C5orf34: variants seen among roughly 807,000 people sequenced by gnomAD.
C5orf34 encodes the protein chromosome 5 open reading frame 34.
In C5orf34, 73 loss-of-function variants were observed where a neutral mutation model predicts 78.4. That is an observed-to-expected ratio of 0.93 (90% CI 0.77 to 1.13). The LOEUF (loss-of-function observed/expected upper bound fraction) is 1.13. C5orf34 is among the 50% of genes most tolerant of loss of function. The pLI is 0.00. For synonymous variants in C5orf34, 251 were observed against 246.6 expected, an observed-to-expected ratio of 1.02 and a Z score of -0.17; for missense variants, 730 against 732.7, an observed-to-expected ratio of 1.00 and a Z score of 0.04.
chr5:43,500,442 C>T (rs922499732), intron 6 of C5orf34, among the ~76,000 whole-genome samples: 2 of 152,170 alleles, frequency 1.3e-5, no homozygotes, highest in Non-Finnish European at 2.9e-5. Context: ...GTCTCCTAGA[C>T]TGGTGTGCAG....
chr5:43,496,052 T>A, intron 6 of C5orf34: 6 of 1,585,282 alleles, frequency 3.8e-6, no homozygotes, highest in South Asian at 2.2e-5. Flanking sequence ...CAGAAGGGCA[T>A]GCTCTCAGGT....
Position 43,502,469 on chromosome 5 carries a change from A to G in C5orf34, c.1055T>C (p.Ile352Thr), listed in dbSNP as rs1745800295. ...AGATCCATCCCCAGAATAAATCTCTATTGAGTTCATATTTTGATGGGTAAG... is the reference window on the plus strand; with the variant it reads ...AGATCCATCCCCAGAATAAATCTCTGTTGAGTTCATATTTTGATGGGTAAG... ...YRLTHQNMNS[I>T]EIYSGDGSVF... Residue 352 changes from isoleucine (I) to threonine (T), a missense_variant, in exon 6 of 13, where the codon ATA becomes ACA. Ile to Thr is a moderately conservative substitution (Grantham distance 89). Coordinates refer to ENST00000306862, the MANE Select transcript of C5orf34 (RefSeq NM_198566.4). The G allele has an allele frequency of 6.4e-7, 1 of 1,573,890 alleles. No homozygotes were observed. The highest frequency in any genetic ancestry group is 8.7e-7 in the Non-Finnish European group (1 of 1,151,254).
At chr5:43,493,184 G>A (rs1745356664) in intron 8 of C5orf34, among the ~76,000 whole-genome samples, 1 of 151,182 alleles carries the variant, frequency 6.6e-6, no homozygotes, top group South Asian at 2.1e-4. Context: ...AGAAATCAAA[G>A]TCTGAGAATC....
At chr5:43,495,221 C>G in intron 6 of C5orf34, 1 of 1,610,022 alleles carries the variant, frequency 6.2e-7, no homozygotes, top group South Asian at 1.1e-5. Flanking sequence ...GTCTGAGAAG[C>G]TCTCAACAAT....
intron 5 of C5orf34, among the ~76,000 whole-genome samples, chr5:43,502,817 G>A (rs781236760): frequency 1.3e-5 from 2 of 152,176 alleles, no homozygotes; most frequent in Admixed American, 1.3e-4. Context: ...CCAAAGCAAT[G>A]TCTATTGCAT....
chr5:43,497,847 G>A (rs34617389), intron 6 of C5orf34, among the ~76,000 whole-genome samples: 2,116 of 152,246 alleles, frequency 0.014, 58 homozygotes, highest in East Asian at 0.13. Context: ...TGGAATTAGC[G>A]TCATTTCAAA....
At chr5:43,488,205 T>TG in intron 11 of C5orf34, 1 of 476,374 alleles carries the variant, frequency 2.1e-6, no homozygotes, top group Non-Finnish European at 3.7e-6. Context: ...CAAATATTGA[T>TG]GTTTGAGGAT....
At chr5:43,500,868 G>T (rs1388198793) in intron 6 of C5orf34, among the ~76,000 whole-genome samples, 1 of 152,006 alleles carries the variant, frequency 6.6e-6, no homozygotes, top group Non-Finnish European at 1.5e-5. Flanking sequence ...CTTACATTTA[G>T]CTCTTTAATT....
At chr5:43,507,779 C>G (rs71629175) in intron 3 of C5orf34, among the ~76,000 whole-genome samples, 2,111 of 152,182 alleles carry the variant, frequency 0.014, 59 homozygotes, top group East Asian at 0.13. Context: ...ATTTCCTTGC[C>G]TATAAAAAGA....
chr5:43,506,045 A>G lies in C5orf34; in HGVS notation c.635T>C (p.Met212Thr), dbSNP rs560119778. ...CCCTTCAGTTCCATTTACACAACTC[A>G]TCTTCTTTAAAGTTTCTTTGGATTT... ...IMKSKETLKKMSCVNGTEGRE... is the reference protein window; with the variant it reads ...IMKSKETLKKTSCVNGTEGRE... Residue 212 changes from methionine (M) to threonine (T), a missense_variant, in exon 4 of 13, where the codon ATG becomes ACG. By Grantham distance (81) the Met-to-Thr change is moderately conservative. Coordinates refer to ENST00000306862, the MANE Select transcript of C5orf34 (RefSeq NM_198566.4). The G allele has an allele frequency of 4.3e-6, 7 of 1,614,110 alleles. No homozygotes were observed. The South Asian group carries it at 4.4e-5, about 10-fold the overall frequency.
intron 1 of C5orf34, among the ~76,000 whole-genome samples, chr5:43,513,643 G>A (rs9292883): frequency 0.4 from 61,394 of 152,076 alleles, 14,718 homozygotes; most frequent in East Asian, 0.78. Flanking sequence ...TAGATACATT[G>A]GCATTTTAAA....
chr5:43,487,366 T>C (rs765751101), intron 12 of C5orf34, among the ~76,000 whole-genome samples: 2 of 151,994 alleles, frequency 1.3e-5, no homozygotes. Flanking sequence ...AAGGAGGAAA[T>C]GAAAATTTCA....
At chr5:43,498,081 T>C (rs1021961075) in intron 6 of C5orf34, among the ~76,000 whole-genome samples, 1 of 152,220 alleles carries the variant, frequency 6.6e-6, no homozygotes, top group Non-Finnish European at 1.5e-5. Context: ...TGCCTCTTGG[T>C]CTTAATTACA....
Position 43,490,674 on chromosome 5 carries a change from C to A in C5orf34, c.1636G>T (p.Glu546Ter), listed in dbSNP as rs1193447253. 8 of 1,611,774 alleles carry A rather than the reference C, an allele frequency of 5.0e-6. No individual in the cohort carries two copies. In the Admixed American group the frequency reaches 8.3e-5, roughly 17 times the overall value. The change falls in exon 11 of 13, where the codon GAG (glutamate) becomes TAG (stop). Residue 546 changes from glutamate (E) to a stop codon, truncating the protein, a stop_gained. Transcript: ENST00000306862. LOFTEE classifies it high-confidence loss of function. ...CRRLTQTSPR[E>*]MPTHSSSSVL... ...GAAGATGACGAATGAGTGGGCATCT[C>A]TCTGGGACTAGTCTGGGTCAGTCTC...
intron 4 of C5orf34, among the ~76,000 whole-genome samples, chr5:43,504,785 G>T (rs1330926368): frequency 6.6e-6 from 1 of 152,126 alleles, no homozygotes. Context: ...TAAACATCAT[G>T]GTAAGTTATT....
At chr5:43,511,752 CAT>C (rs1746270443) in intron 1 of C5orf34, among the ~76,000 whole-genome samples, 1 of 152,284 alleles carries the variant, frequency 6.6e-6, no homozygotes, top group Non-Finnish European at 1.5e-5. Flanking sequence ...CTCTCTGAAA[CAT>C]GTGCTGTGTC....
chr5:43,493,176 A>T (rs1223030040), intron 8 of C5orf34, among the ~76,000 whole-genome samples: 1 of 152,140 alleles, frequency 6.6e-6, no homozygotes, highest in Non-Finnish European at 1.5e-5. Context: ...ATAGATACAG[A>T]AATCAAAGTC....
Position 43,490,777 on chromosome 5 carries a change from C to T in C5orf34, c.1581-48G>A, listed in dbSNP as rs184125255. 144 of 901,874 alleles carry T rather than the reference C, an allele frequency of 1.6e-4. 1 individual carries two copies. The East Asian group carries it at 2.1e-3, about 13-fold the overall frequency. The allele number at this position is 901,874 out of a possible 1,614,324, so 55.9% of individuals were successfully genotyped here. ...AATACTTGAAAAATGAACTTGAATA[C>T]ATTATAAAATTATAAACAAATGTAA... On this transcript the variant is annotated intron_variant, in intron 10 of 12. Transcript: ENST00000306862.
Position 43,486,830 on chromosome 5 carries a change from A to G in C5orf34, c.*85T>C, listed in dbSNP as rs1745088482. 7 of 710,358 alleles carry G rather than the reference A, an allele frequency of 9.9e-6. No individual in the cohort carries two copies. Among genetic ancestry groups the G allele is most frequent in the Non-Finnish European group, 1.5e-5 (7 of 463,762 alleles). The allele number at this position is 710,358 out of a possible 1,614,324, so 44.0% of individuals were successfully genotyped here. A position where few individuals can be genotyped will look rare whatever the true frequency, so the allele number is the denominator to read the frequency against. ...TCATTGTGCCGGGGTAATACGTACAATATCTTGGCTTACTAGTAATTTTAT... is the reference window on the plus strand; with the variant it reads ...TCATTGTGCCGGGGTAATACGTACAGTATCTTGGCTTACTAGTAATTTTAT... On this transcript the variant is annotated 3_prime_UTR_variant, in exon 13 of 13. Coordinates refer to ENST00000306862, the MANE Select transcript of C5orf34 (RefSeq NM_198566.4).
Sources: allele counts gnomAD v4.1 joint callset (sites outside exome capture counted in the v4.1 genomes callset), GRCh38; gene constraint gnomAD v4.1.1; transcripts MANE v1.5; gene names NCBI Gene and HGNC (gene_info 2026-07-23, HGNC 2026-07-21).